ANTXR1: variants seen among roughly 807,000 people sequenced by gnomAD.
ANTXR1 encodes ANTXR cell adhesion molecule 1.
Under a neutral mutation model 78.1 loss-of-function variants are expected in ANTXR1, and 19 were observed. The observed-to-expected ratio is 0.24, with a 90% CI of 0.17 to 0.36. The LOEUF is 0.36. ANTXR1 is among the 10% of genes least tolerant of loss of function. The probability of loss-of-function intolerance (pLI) is 1.00; values close to 1 mark genes in which losing one functional copy is unlikely to be tolerated. For missense variants in ANTXR1, 518 were observed against 718.6 expected, an observed-to-expected ratio of 0.72 and a Z score of 3.19; for synonymous variants, 273 against 260.5, an observed-to-expected ratio of 1.05 and a Z score of -0.46.
intron 17 of ANTXR1, among the ~76,000 whole-genome samples, chr2:69,216,221 A>G (rs1430462909): frequency 1.3e-5 from 2 of 152,236 alleles, no homozygotes; most frequent in Non-Finnish European, 2.9e-5. Flanking sequence ...ATCAGATTCC[A>G]TGGCTTCCAA....
chr2:69,224,526 T>G (rs1167799333), intron 17 of ANTXR1, among the ~76,000 whole-genome samples: 1 of 152,182 alleles, frequency 6.6e-6, no homozygotes, highest in Non-Finnish European at 1.5e-5. Flanking sequence ...TCCCTGCAAG[T>G]GCCCTACTTC....
rs75147188 is a variant in ANTXR1 at position 69,203,426 on chromosome 2, A to C, written c.1434+10011A>C. 1.7e-3 allele frequency among the ~76,000 whole-genome samples: 252 copies of C among 152,338 alleles called. 1 individual carries two copies. The highest frequency in any genetic ancestry group is 5.7e-3 in the African/African-American group (238 of 41,572). ...CTGAGTTAGCTGAATTTAAGGAATA[A>C]AAAGTTCAAAACACTCTCTGTCCAC... On this transcript the variant is annotated intron_variant, in intron 17 of 17. Coordinates refer to ENST00000303714, the MANE Select transcript of ANTXR1 (RefSeq NM_032208.3).
intron 12 of ANTXR1, among the ~76,000 whole-genome samples, chr2:69,134,248 A>T (rs1327016382): frequency 6.6e-6 from 1 of 152,210 alleles, no homozygotes; most frequent in African/African-American, 2.4e-5. Flanking sequence ...TGTTATGTAG[A>T]ATATAGAATT....
intron 14 of ANTXR1, among the ~76,000 whole-genome samples, chr2:69,177,427 G>C (rs1298358687): frequency 6.6e-6 from 1 of 152,062 alleles, no homozygotes. Flanking sequence ...TTTCTTCCTC[G>C]AACAGCACTG....
At chr2:69,039,587 G>A (rs1013920852) in intron 1 of ANTXR1, among the ~76,000 whole-genome samples, 1 of 152,092 alleles carries the variant, frequency 6.6e-6, no homozygotes, top group Non-Finnish European at 1.5e-5. Context: ...TACAGATTTT[G>A]CATCTATATT....
chr2:69,061,436 C>T (rs1670240707), intron 3 of ANTXR1, among the ~76,000 whole-genome samples: 2 of 150,592 alleles, frequency 1.3e-5, no homozygotes, highest in South Asian at 4.2e-4. Flanking sequence ...AAATAAATGT[C>T]TTAGAGGGAA....
chr2:69,187,951 T>C (rs1189398238), intron 16 of ANTXR1, among the ~76,000 whole-genome samples: 4 of 146,698 alleles, frequency 2.7e-5, no homozygotes, highest in Non-Finnish European at 4.5e-5. Context: ...TAAGTTGAAC[T>C]ACTCTCAGAA....
chr2:69,213,738 C>G (rs1159786086), intron 17 of ANTXR1, among the ~76,000 whole-genome samples: 1 of 152,254 alleles, frequency 6.6e-6, no homozygotes, highest in African/African-American at 2.4e-5. Context: ...CATGCTTGTG[C>G]AGAAATTCCA....
intron 14 of ANTXR1, among the ~76,000 whole-genome samples, chr2:69,171,595 C>A (rs1460223139): frequency 6.6e-6 from 1 of 152,208 alleles, no homozygotes; most frequent in Non-Finnish European, 1.5e-5. Context: ...AGGGTTGTGG[C>A]TTTTTCTTTT....
chr2:69,149,893 C>T (rs1673344699), intron 12 of ANTXR1, among the ~76,000 whole-genome samples: 1 of 152,228 alleles, frequency 6.6e-6, no homozygotes, highest in Non-Finnish European at 1.5e-5. Flanking sequence ...GCCCATCGCT[C>T]TCTGCCATCA....
At chr2:69,184,180 A>T (rs946337934) in intron 16 of ANTXR1, among the ~76,000 whole-genome samples, 1 of 152,168 alleles carries the variant, frequency 6.6e-6, no homozygotes, top group African/African-American at 2.4e-5. Context: ...AAATCAAAAG[A>T]AGTACCATTT....
rs1452655161 is a variant in ANTXR1, at chr2:69,073,251, A to AATG, written c.492+152_492+153insGAT. On this transcript the variant is annotated intron_variant, in intron 6 of 17. Coordinates refer to ENST00000303714, the MANE Select transcript of ANTXR1 (RefSeq NM_032208.3). Reference sequence around the variant, plus strand: ...TTTCATAAGTAGAAATAATAATAATAATTCGTGTTCTACAAGTGAATTTTC... The same window carrying AATG: ...TTTCATAAGTAGAAATAATAATAATAATGATTCGTGTTCTACAAGTGAATTTTC... 39 of 742,428 alleles carry AATG rather than the reference A, an allele frequency of 5.3e-5. 1 individual carries two copies. Among genetic ancestry groups the AATG allele is most frequent in the Non-Finnish European group, 8.9e-5 (39 of 437,830 alleles). 46.0% of individuals were successfully genotyped at this position (742,428 alleles called of 1,614,324 possible). A position where few individuals can be genotyped will look rare whatever the true frequency, so the allele number is the denominator to read the frequency against.
intron 13 of ANTXR1, among the ~76,000 whole-genome samples, chr2:69,165,341 C>T (rs1266859228): frequency 6.6e-6 from 1 of 152,224 alleles, no homozygotes; most frequent in East Asian, 1.9e-4. Context: ...CAGGAAGTGC[C>T]CTGCATTCAG....
rs116396070 is a variant in ANTXR1 at position 69,020,660 on chromosome 2, G to A, written c.152+7009G>A. The stretch of plus-strand genomic sequence containing the variant: ...TTTGCTCTATGCTAATTTAGAATGT[G>A]TGTCTATGTTTGGTATGCGGCCAAG... On this transcript the variant is annotated intron_variant, in intron 1 of 17. Transcript: ENST00000303714. 6.8e-3 allele frequency among the ~76,000 whole-genome samples: 1,030 copies of A among 152,316 alleles called. 7 individuals are homozygous for A. The highest frequency in any genetic ancestry group is 0.044 in the Middle Eastern group (13 of 294).
rs1396460975 is a variant in ANTXR1, at chr2:69,185,300, G to A, written c.1353+2640G>A. Among the ~76,000 whole-genome samples the A allele has an allele frequency of 3.9e-5, 6 of 152,178 alleles. 1 individual carries two copies. The highest frequency in any genetic ancestry group is 1.4e-4 in the African/African-American group (6 of 41,430). On this transcript the variant is annotated intron_variant, in intron 16 of 17. Coordinates refer to ENST00000303714, the MANE Select transcript of ANTXR1 (RefSeq NM_032208.3). ...TCATGCCTGTAATCCCAGCATTTTGGGAGGCCGAGGAGGGTGGATCACAAG... is the reference window on the plus strand; with the variant it reads ...TCATGCCTGTAATCCCAGCATTTTGAGAGGCCGAGGAGGGTGGATCACAAG...
intron 9 of ANTXR1, among the ~76,000 whole-genome samples, chr2:69,099,371 AT>A (rs1292108747): frequency 6.6e-6 from 1 of 152,116 alleles, no homozygotes; most frequent in Non-Finnish European, 1.5e-5. Context: ...GGTTATTTCC[AT>A]TTTTTGGCTG....
intron 10 of ANTXR1, among the ~76,000 whole-genome samples, chr2:69,113,055 C>T: frequency 6.7e-6 from 1 of 148,796 alleles, no homozygotes; most frequent in East Asian, 1.9e-4. Flanking sequence ...TTGATGTTTC[C>T]CCTGCTCTAC....
At chr2:69,026,638 T>C (rs767649069) in intron 1 of ANTXR1, among the ~76,000 whole-genome samples, 8 of 152,226 alleles carry the variant, frequency 5.3e-5, no homozygotes, top group Non-Finnish European at 8.8e-5. Flanking sequence ...ACAAGCCATA[T>C]ACTTTAGCAG....
intron 17 of ANTXR1, among the ~76,000 whole-genome samples, chr2:69,209,469 T>G (rs185727509): frequency 6.6e-6 from 1 of 152,378 alleles, no homozygotes; most frequent in African/African-American, 2.4e-5. Context: ...GTTTATTTGT[T>G]GTGCTAAACA....
Sources: allele counts gnomAD v4.1 joint callset (sites outside exome capture counted in the v4.1 genomes callset), GRCh38; gene constraint gnomAD v4.1.1; transcripts MANE v1.5; gene names NCBI Gene and HGNC (gene_info 2026-07-23, HGNC 2026-07-21).